SH2B3: variants seen among roughly 807,000 people sequenced by gnomAD.
SH2B3 encodes SH2B adapter protein 3.
Under a neutral mutation model 51.9 loss-of-function variants are expected in SH2B3, and 43 were observed. The ratio of observed to expected loss-of-function variants is 0.83; its 90% CI spans 0.65 to 1.07. The LOEUF is 1.07. SH2B3 is among the 50% of genes least tolerant of loss of function. SH2B3 has a pLI of 0.00. For synonymous variants in SH2B3, 396 were observed against 376.0 expected (o/e 1.05, Z -0.62); for missense variants, 952 against 834.3 (o/e 1.14, Z -1.74).
chr12:111,448,688 GA>G lies in SH2B3; in HGVS notation c.*387del. The G allele has an allele frequency of 4.7e-6, 1 of 212,298 alleles. No individual in the cohort carries two copies. Among genetic ancestry groups the G allele is most frequent in the African/African-American group, 2.3e-5 (1 of 43,426 alleles). The allele number at this position is 212,298 out of a possible 1,614,324, so 13.2% of individuals were successfully genotyped here. A position where few individuals can be genotyped will look rare whatever the true frequency, so the allele number is the denominator to read the frequency against. ...CGGATGACAGACTTTCTACGGGGAGGAGGGGGGGATCATCAGGAAGCCCAGA... is the reference window on the plus strand; with the variant it reads ...CGGATGACAGACTTTCTACGGGGAGGGGGGGGGATCATCAGGAAGCCCAGA... On this transcript the variant is annotated 3_prime_UTR_variant, in exon 8 of 8. Coordinates refer to ENST00000341259, the MANE Select transcript of SH2B3 (RefSeq NM_005475.3).
intron 2 of SH2B3, among the ~76,000 whole-genome samples, chr12:111,426,411 A>AGATG (rs1252796729): frequency 8.3e-6 from 1 of 121,068 alleles, no homozygotes; most frequent in Admixed American, 9.4e-5. Context: ...TTGTTAAGAG[A>AGATG]GATGGGGATT....
In SH2B3 at chr12:111,447,834, C is replaced by T. The variant is rs762682662; in HGVS notation, c.1408+7C>T. The T allele has an allele frequency of 6.2e-7, 1 of 1,611,030 alleles. No individual in the cohort carries two copies. The highest frequency in any genetic ancestry group is 2.2e-5 in the East Asian group (1 of 44,782). On this transcript the variant is annotated splice_region_variant and intron_variant, in intron 7 of 7. Transcript: ENST00000341259. ...GTCGTCTCCCAACCACCAGGTCTGACCCTACTGCCCTTTGCTGAAGGGGGT... is the reference window on the plus strand; with the variant it reads ...GTCGTCTCCCAACCACCAGGTCTGATCCTACTGCCCTTTGCTGAAGGGGGT...
rs1424201529 is a variant in SH2B3, at chr12:111,438,896, G to C, written c.733-7857G>C. On this transcript the variant is annotated intron_variant, in intron 2 of 7. Coordinates refer to ENST00000341259, the MANE Select transcript of SH2B3 (RefSeq NM_005475.3). This position sits in a 1 kb window ranked among gnomAD's most constrained non-coding sequence, Gnocchi z 4.2. ...GAGGCCAGTGTGGCTGGATCAGAGC[G>C]AGGGAGGGAGGCCCAAGAGGCTGAG... is the stretch of plus-strand genomic sequence containing the variant. Among the ~76,000 whole-genome samples the C allele has an allele frequency of 6.6e-6, 1 of 152,212 alleles. No homozygotes were observed. Among genetic ancestry groups the C allele is most frequent in the Non-Finnish European group, 1.5e-5 (1 of 68,040 alleles).
chr12:111,422,809 C>G (rs993483438), intron 2 of SH2B3, among the ~76,000 whole-genome samples: 5 of 152,088 alleles, frequency 3.3e-5, no homozygotes, highest in Non-Finnish European at 7.3e-5. Flanking sequence ...ATCCACCTGC[C>G]TCAGCCTCCC....
intron 2 of SH2B3, among the ~76,000 whole-genome samples, chr12:111,424,972 T>C (rs1871876286): frequency 6.6e-6 from 1 of 152,142 alleles, no homozygotes; most frequent in African/African-American, 2.4e-5. Context: ...GTAATCCCAG[T>C]GCCAGCCTGG....
At chr12:111,424,522 C>T (rs1356045665) in intron 2 of SH2B3, among the ~76,000 whole-genome samples, 2 of 152,120 alleles carry the variant, frequency 1.3e-5, no homozygotes, top group Non-Finnish European at 2.9e-5. Context: ...CATCAGATTC[C>T]CTAGGGCTTT....
intron 1 of SH2B3, among the ~76,000 whole-genome samples, chr12:111,408,326 GAGA>G (rs1411766457): frequency 3.3e-5 from 5 of 152,222 alleles, no homozygotes; most frequent in African/African-American, 1.2e-4. Context: ...TCAGGAGGAA[GAGA>G]AGAAGTAGCC....
Position 111,410,226 on chromosome 12 carries a change from G to A in SH2B3, c.-28+3949G>A, listed in dbSNP as rs946417899. On this transcript the variant is annotated intron_variant, in intron 1 of 7. Coordinates refer to ENST00000341259, the MANE Select transcript of SH2B3 (RefSeq NM_005475.3). The surrounding 1 kb of genome is among the most constrained non-coding windows in gnomAD (Gnocchi z 4.9). Reference sequence around the variant, plus strand: ...AATCAGGGAGGTGGACACACAAGGGGACCTCTGACATGGGATCTGCCCTTT... The same window carrying A: ...AATCAGGGAGGTGGACACACAAGGGAACCTCTGACATGGGATCTGCCCTTT... Among the ~76,000 whole-genome samples, 2 of 152,322 alleles carry A rather than the reference G, an allele frequency of 1.3e-5. No individual in the cohort carries two copies.
intron 2 of SH2B3, among the ~76,000 whole-genome samples, chr12:111,431,850 C>T (rs977666861): frequency 2.0e-5 from 3 of 152,212 alleles, no homozygotes; most frequent in Non-Finnish European, 2.9e-5. Context: ...CAACAGTCCT[C>T]CCGCCTAGGT....
chr12:111,442,339 G>A (rs1231567893), intron 2 of SH2B3, among the ~76,000 whole-genome samples: 3 of 152,168 alleles, frequency 2.0e-5, no homozygotes, highest in African/African-American at 7.2e-5. Flanking sequence ...GTAAGTAAGT[G>A]GTAGAGCTAG....
chr12:111,446,708 A>C (rs761778819), intron 2 of SH2B3, 45 bp from the exon 3 acceptor site: 2 of 1,100,686 alleles, frequency 1.8e-6, no homozygotes, highest in Non-Finnish European at 2.6e-6. Context: ...GCTGGAAGAA[A>C]GAGCATCAGG....
chr12:111,426,002 C>T (rs1024227169), intron 2 of SH2B3, among the ~76,000 whole-genome samples: 2 of 152,150 alleles, frequency 1.3e-5, no homozygotes, highest in African/African-American at 2.4e-5. Flanking sequence ...GAATGAAGAC[C>T]GAAAGACCCC....
At chr12:111,405,748 A>G (rs1224256774), upstream of SH2B3, among the ~76,000 whole-genome samples, 6 of 152,090 alleles carry the variant, frequency 3.9e-5, no homozygotes, top group African/African-American at 1.2e-4. This position sits in a 1 kb window ranked among gnomAD's most constrained non-coding sequence, Gnocchi z 5.4. Context: ...GCCGCGGACT[A>G]GCGGGATTGG....
intron 2 of SH2B3, among the ~76,000 whole-genome samples, chr12:111,430,325 T>C (rs1377886418): frequency 2.6e-5 from 4 of 152,200 alleles, no homozygotes; most frequent in African/African-American, 9.7e-5. Flanking sequence ...CCGACCGCGC[T>C]GAAACCACGG....
At chr12:111,411,203 C>CCA (rs1870668239) in intron 1 of SH2B3, among the ~76,000 whole-genome samples, 1 of 99,558 alleles carries the variant, frequency 1.0e-5, no homozygotes. Context: ...CTGTCTCTAC[C>CCA]AAAAAAAAAA....
Position 111,418,264 on chromosome 12 carries a change from A to G in SH2B3, c.119A>G (p.Glu40Gly), listed in dbSNP as rs1871234970. ...CELHAVAAAR[E>G]LARQYWLFAR... ...TTGCACGCCGTAGCGGCGGCCCGGG[A>G]GCTGGCCCGCCAGTACTGGCTGTTC... Residue 40 changes from glutamate (E) to glycine (G), a missense_variant, in exon 2 of 8, where the codon GAG becomes GGG. Physicochemically the swap from Glu to Gly is moderately conservative, Grantham distance 98. Coordinates refer to ENST00000341259, the MANE Select transcript of SH2B3 (RefSeq NM_005475.3). The surrounding 1 kb of genome is among the most constrained non-coding windows in gnomAD (Gnocchi z 6.7). 1.3e-6 allele frequency: 2 copies of G among 1,531,312 alleles called. No homozygotes were observed. The highest frequency in any genetic ancestry group is 1.7e-6 in the Non-Finnish European group (2 of 1,145,346). The allele number at this position is 1,531,312 out of a possible 1,614,324, so 94.9% of individuals were successfully genotyped here.
chr12:111,435,324 T>C lies in SH2B3; in HGVS notation c.733-11429T>C, dbSNP rs1872776508. Among the ~76,000 whole-genome samples the C allele has an allele frequency of 6.6e-6, 1 of 152,046 alleles. No individual in the cohort carries two copies. The highest frequency in any genetic ancestry group is 2.4e-5 in the African/African-American group (1 of 41,390). ...CCCTGGGGCCCCATGATACCCTCGG[T>C]GATCGTCACAGATGCGGGGCCTGGC... On this transcript the variant is annotated intron_variant, in intron 2 of 7. Transcript: ENST00000341259. This position sits in a 1 kb window ranked among gnomAD's most constrained non-coding sequence, Gnocchi z 4.8.
chr12:111,431,108 C>T (rs1156307174), intron 2 of SH2B3, among the ~76,000 whole-genome samples: 1 of 152,202 alleles, frequency 6.6e-6, no homozygotes, highest in African/African-American at 2.4e-5. Context: ...TTTTTCCTAT[C>T]TCCCCTCTGA....
Position 111,447,558 on chromosome 12 carries a change from TG to T in SH2B3, c.1236+18del. 1 of 191,884 alleles carries T rather than the reference TG, an allele frequency of 5.2e-6. No homozygotes were observed. The highest frequency in any genetic ancestry group is 3.7e-5 in the South Asian group (1 of 26,684). 11.9% of individuals were successfully genotyped at this position (191,884 alleles called of 1,614,324 possible). A position where few individuals can be genotyped will look rare whatever the true frequency, so the allele number is the denominator to read the frequency against. ...GGGATAGCCAAGGTATGGGGTGGGG[TG>T]GGGTGGGGTGGGGCAGGCAGGACCG... On this transcript the variant is annotated intron_variant, in intron 6 of 7. Transcript: ENST00000341259.
Sources: allele counts gnomAD v4.1 joint callset (sites outside exome capture counted in the v4.1 genomes callset), GRCh38; gene constraint gnomAD v4.1.1; non-coding constraint Gnocchi (gnomAD v3.1); transcripts MANE v1.5; gene names NCBI Gene and HGNC (gene_info 2026-07-23, HGNC 2026-07-21).